MAPKAP1: variants seen among roughly 807,000 people sequenced by gnomAD.
MAPKAP1 encodes target of rapamycin complex 2 subunit MAPKAP1.
Under a neutral mutation model 65.7 loss-of-function variants are expected in MAPKAP1, and 20 were observed. That is an observed-to-expected ratio of 0.30 (90% confidence interval 0.21 to 0.44). MAPKAP1 has a LOEUF of 0.44. Ranked by LOEUF, MAPKAP1 falls within the 20% of genes least tolerant of loss-of-function variation. MAPKAP1 has a pLI of 1.00. For missense variants in MAPKAP1, 423 were observed against 648.0 expected, an observed-to-expected ratio of 0.65 and a Z score of 3.77; for synonymous variants, 222 against 244.3, an observed-to-expected ratio of 0.91 and a Z score of 0.85.
At chr9:125,570,239 G>C (rs1469632693) in intron 5 of MAPKAP1, among the ~76,000 whole-genome samples, 2 of 152,174 alleles carry the variant, frequency 1.3e-5, no homozygotes, top group African/African-American at 4.8e-5. Context: ...GGGAGGTTTA[G>C]GGCAAGTTAG....
chr9:125,596,779 G>A (rs1307023746), intron 4 of MAPKAP1, among the ~76,000 whole-genome samples: 2 of 152,166 alleles, frequency 1.3e-5, no homozygotes, highest in East Asian at 1.9e-4. Context: ...AAATACTCAT[G>A]TGTATGGGCA....
rs1852406160 is a variant in MAPKAP1, at chr9:125,439,587, G to A, written c.1444-575C>T. 6.6e-6 allele frequency among the ~76,000 whole-genome samples: 1 copy of A among 152,214 alleles called. No individual in the cohort carries two copies. Among genetic ancestry groups the A allele is most frequent in the Admixed American group, 6.5e-5 (1 of 15,290 alleles). On this transcript the variant is annotated intron_variant, in intron 11 of 11. Coordinates refer to ENST00000265960, the MANE Select transcript of MAPKAP1 (RefSeq NM_001006617.3). The surrounding 1 kb of genome is among the most constrained non-coding windows in gnomAD (Gnocchi z 4.0). ...AGAGAGGGAGGCCAAAGTGGCCTAG[G>A]CCACGTGGAAGTCAGGGTGAGAGCT...
chr9:125,451,914 A>G (rs1206435569), intron 10 of MAPKAP1, among the ~76,000 whole-genome samples: 1 of 147,384 alleles, frequency 6.8e-6, no homozygotes, highest in Admixed American at 6.9e-5. Context: ...AGTTCAAGCC[A>G]TTCTCCTGCC....
intron 4 of MAPKAP1, among the ~76,000 whole-genome samples, chr9:125,612,087 T>G (rs1277760815): frequency 2.0e-5 from 3 of 152,190 alleles, no homozygotes; most frequent in Non-Finnish European, 4.4e-5. Context: ...TTGATCATGC[T>G]CCAAAGGAAA....
At chr9:125,518,745 G>A (rs951166579) in intron 7 of MAPKAP1, among the ~76,000 whole-genome samples, 13 of 152,184 alleles carry the variant, frequency 8.5e-5, no homozygotes, top group Non-Finnish European at 1.9e-4. Context: ...GATATAGAAT[G>A]TACAGAGTAG....
intron 3 of MAPKAP1, among the ~76,000 whole-genome samples, chr9:125,663,249 C>T (rs1009933969): frequency 6.6e-6 from 1 of 152,176 alleles, no homozygotes; most frequent in Non-Finnish European, 1.5e-5. Context: ...AACAGGCATC[C>T]TGCCTTGTTA....
At chr9:125,490,308 G>A (rs1437575003) in intron 8 of MAPKAP1, among the ~76,000 whole-genome samples, 2 of 152,212 alleles carry the variant, frequency 1.3e-5, no homozygotes, top group Non-Finnish European at 2.9e-5. Context: ...GGGAGGCCGA[G>A]GTGGGTGGAT....
At chr9:125,503,880 C>CTTTTTTTTTTTTTTTTTTTTTTTTTTTTT (rs35867576) in intron 8 of MAPKAP1, among the ~76,000 whole-genome samples, 1 of 66,258 alleles carries the variant, frequency 1.5e-5, no homozygotes, top group Non-Finnish European at 2.5e-5. Flanking sequence ...CCACGCTTGG[C>CTTTTTTTTTTTTTTTTTTTTTTTTTTTTT]TTTTTTTTTT....
At chr9:125,653,855 AACTG>A (rs1037782965) in intron 4 of MAPKAP1, among the ~76,000 whole-genome samples, 4 of 152,172 alleles carry the variant, frequency 2.6e-5, no homozygotes, top group Non-Finnish European at 5.9e-5. Flanking sequence ...GAGGTGAAAA[AACTG>A]ACTGAGATGA....
At chr9:125,705,135 A>G (rs1025852437) in intron 1 of MAPKAP1, among the ~76,000 whole-genome samples, 2 of 152,214 alleles carry the variant, frequency 1.3e-5, no homozygotes, top group East Asian at 3.8e-4. Context: ...TCATTTTAAC[A>G]TTCATATGTT....
intron 4 of MAPKAP1, among the ~76,000 whole-genome samples, chr9:125,591,211 A>T (rs1201531780): frequency 6.6e-6 from 1 of 152,224 alleles, no homozygotes; most frequent in Non-Finnish European, 1.5e-5. Context: ...TGTAAACACC[A>T]ACGCCTTCTT....
At chr9:125,706,869 C>G in intron 1 of MAPKAP1, 102 bp downstream of exon 1, 1 of 367,340 alleles carries the variant, frequency 2.7e-6, no homozygotes, top group Non-Finnish European at 4.8e-6. Context: ...GGCAGGCGGC[C>G]CGCCGGGCAG....
chr9:125,617,443 A>C (rs2131642460), intron 4 of MAPKAP1, among the ~76,000 whole-genome samples: 1 of 152,354 alleles, frequency 6.6e-6, no homozygotes, highest in South Asian at 2.1e-4. Flanking sequence ...CCTGGGCAAC[A>C]GAGACCCTAT....
In MAPKAP1 at chr9:125,447,049, C is replaced by A. The variant is rs191426133; in HGVS notation, c.1346-2451G>T. Among the ~76,000 whole-genome samples, 1 of 152,146 alleles carries A rather than the reference C, an allele frequency of 6.6e-6. No individual in the cohort carries two copies. The highest frequency in any genetic ancestry group is 1.5e-5 in the Non-Finnish European group (1 of 68,042). On this transcript the variant is annotated intron_variant, in intron 10 of 11. Transcript: ENST00000265960. The surrounding 1 kb of genome is among the most constrained non-coding windows in gnomAD (Gnocchi z 4.5). The stretch of plus-strand genomic sequence containing the variant: ...GACAGAGGGGAGGCCTGTGGTTCAT[C>A]TGCACAGTCACGTGAAAAAAACAAA...
rs200503596 is a variant in MAPKAP1 at position 125,438,426 on chromosome 9, TAATC to T, written c.*457_*460del. The T allele has an allele frequency of 3.8e-3, 1,513 of 399,638 alleles. 36 individuals are homozygous for T. The East Asian group carries it at 0.042, about 11-fold the overall frequency. The allele number at this position is 399,638 out of a possible 1,614,324, so 24.8% of individuals were successfully genotyped here. On this transcript the variant is annotated 3_prime_UTR_variant, in exon 12 of 12. Coordinates refer to ENST00000265960, the MANE Select transcript of MAPKAP1 (RefSeq NM_001006617.3). ...GGAACAGATTTTAAAGAGAGTAACA[TAATC>T]AATCCTCCGCCCCAAAGAATGGTCC...
chr9:125,582,425 T>C (rs1405081366), intron 5 of MAPKAP1, among the ~76,000 whole-genome samples: 1 of 152,232 alleles, frequency 6.6e-6, no homozygotes, highest in Admixed American at 6.5e-5. Flanking sequence ...TTTAATTTGC[T>C]GAGCTCTTCT....
chr9:125,679,699 C>G (rs1420511729), intron 1 of MAPKAP1, among the ~76,000 whole-genome samples: 2 of 152,170 alleles, frequency 1.3e-5, no homozygotes, highest in African/African-American at 4.8e-5. Context: ...TACAAGCAAA[C>G]AAGCCCACCC....
chr9:125,625,982 C>T (rs1053667040), intron 4 of MAPKAP1, among the ~76,000 whole-genome samples: 6 of 152,156 alleles, frequency 3.9e-5, no homozygotes, highest in African/African-American at 7.2e-5. Context: ...TGAAGTCATA[C>T]TTAAGGTGTA....
rs565283984 is a variant in MAPKAP1 at position 125,593,123 on chromosome 9, C to A, written c.499-7396G>T. Among the ~76,000 whole-genome samples, 10 of 151,746 alleles carry A rather than the reference C, an allele frequency of 6.6e-5. No homozygotes were observed. The South Asian group carries it at 1.9e-3, about 28-fold the overall frequency. On this transcript the variant is annotated intron_variant, in intron 4 of 11. Transcript: ENST00000265960. ...CCAGCCTGGCCAACATGGTAAAATA[C>A]AAAAATACTAAATATACTAAAAATA... is the stretch of plus-strand genomic sequence containing the variant.
Sources: gnomAD v4.1 joint callset for allele counts (sites outside exome capture counted in the v4.1 genomes callset) on GRCh38, gnomAD v4.1.1 for gene constraint, Gnocchi (gnomAD v3.1) non-coding constraint, MANE v1.5 for transcripts, NCBI Gene and HGNC (gene_info 2026-07-23, HGNC 2026-07-21) for gene names.